PAN3: variants seen among roughly 807,000 people sequenced by gnomAD.
PAN3 encodes poly(A) specific ribonuclease subunit PAN3.
PAN3 carries 19 observed loss-of-function variants against 96.2 expected under a neutral mutation model. The observed-to-expected ratio is 0.20, with a 90% CI of 0.14 to 0.29. PAN3 has a LOEUF of 0.29. PAN3 is among the 10% of genes least tolerant of loss of function. PAN3 has a pLI of 1.00. For synonymous variants in PAN3, 433 were observed against 406.6 expected (o/e 1.06, Z -0.78); for missense variants, 882 against 1,108.1 (o/e 0.80, Z 2.90).
At chr13:28,152,108 T>A (rs1364624772) in intron 1 of PAN3, among the ~76,000 whole-genome samples, 2 of 152,198 alleles carry the variant, frequency 1.3e-5, no homozygotes, top group African/African-American at 4.8e-5. Context: ...GGGTTCTACA[T>A]ATGTGCCAGT....
At chr13:28,163,390 G>A (rs1013365462) in intron 1 of PAN3, among the ~76,000 whole-genome samples, 8 of 151,910 alleles carry the variant, frequency 5.3e-5, no homozygotes, top group African/African-American at 1.9e-4. Context: ...GAATAATTGG[G>A]GAATACTTTC....
intron 6 of PAN3, among the ~76,000 whole-genome samples, chr13:28,224,103 CT>C (rs1881735152): frequency 6.6e-6 from 1 of 151,802 alleles, no homozygotes; most frequent in Non-Finnish European, 1.5e-5. Flanking sequence ...GATCTCCTGA[CT>C]TCGTGGTCTG....
chr13:28,257,524 C>T (rs190451113), intron 7 of PAN3, among the ~76,000 whole-genome samples: 5 of 151,058 alleles, frequency 3.3e-5, no homozygotes, highest in Non-Finnish European at 4.4e-5. Flanking sequence ...AAGTTTCATC[C>T]GTATTTACAC....
chr13:28,210,324 T>A (rs144025466), intron 5 of PAN3, among the ~76,000 whole-genome samples: 1 of 152,218 alleles, frequency 6.6e-6, no homozygotes, highest in African/African-American at 2.4e-5. Context: ...CTAATTGATC[T>A]TCATTTGCCG....
chr13:28,153,386 C>A (rs1871658543), intron 1 of PAN3, among the ~76,000 whole-genome samples: 1 of 151,960 alleles, frequency 6.6e-6, no homozygotes, highest in Non-Finnish European at 1.5e-5. Context: ...TAGGCACCCA[C>A]CACCATGCCT....
At chr13:28,272,689 C>T (rs1886732389) in intron 14 of PAN3, among the ~76,000 whole-genome samples, 1 of 152,018 alleles carries the variant, frequency 6.6e-6, no homozygotes, top group South Asian at 2.1e-4. Context: ...CCTGCCTCAG[C>T]CTCCCGAGTA....
intron 6 of PAN3, among the ~76,000 whole-genome samples, chr13:28,237,642 A>G (rs919205487): frequency 6.6e-6 from 1 of 152,220 alleles, no homozygotes; most frequent in Non-Finnish European, 1.5e-5. Context: ...TAACAAGGCT[A>G]TGTAGTATTT....
chr13:28,282,476 T>G (rs1419748500), intron 17 of PAN3, among the ~76,000 whole-genome samples: 2 of 152,230 alleles, frequency 1.3e-5, no homozygotes. Flanking sequence ...TAATAAACTT[T>G]TAGCTGTTTC....
chr13:28,144,521 G>A (rs889020399), intron 1 of PAN3, among the ~76,000 whole-genome samples: 1 of 151,570 alleles, frequency 6.6e-6, no homozygotes, highest in African/African-American at 2.4e-5. Context: ...GGCCGGTTTC[G>A]ATAAGTTTTA....
At chr13:28,211,301 T>C (rs926471513) in intron 5 of PAN3, among the ~76,000 whole-genome samples, 1 of 152,162 alleles carries the variant, frequency 6.6e-6, no homozygotes, top group Non-Finnish European at 1.5e-5. Context: ...CTCTTCTGCT[T>C]TTCCAGATAA....
intron 4 of PAN3, among the ~76,000 whole-genome samples, chr13:28,195,696 T>C (rs1877967505): frequency 6.6e-6 from 1 of 152,014 alleles, no homozygotes. Flanking sequence ...CCACCATGCT[T>C]GGCTAATTTT....
chr13:28,167,733 A>G (rs938613722), intron 1 of PAN3, among the ~76,000 whole-genome samples: 3 of 151,550 alleles, frequency 2.0e-5, no homozygotes, highest in Admixed American at 6.6e-5. Context: ...AGTCCCACCT[A>G]TTTGGGGGCC....
At chr13:28,170,062 C>T (rs1027235405) in intron 1 of PAN3, among the ~76,000 whole-genome samples, 6 of 151,610 alleles carry the variant, frequency 4.0e-5, no homozygotes, top group African/African-American at 7.3e-5. Context: ...AATAATAATA[C>T]AATAATAATA....
chr13:28,159,885 A>G (rs367865270), intron 1 of PAN3, among the ~76,000 whole-genome samples: 3 of 152,220 alleles, frequency 2.0e-5, no homozygotes, highest in East Asian at 3.9e-4. Flanking sequence ...TTACCCATGT[A>G]GCAAACCTGC....
intron 9 of PAN3, among the ~76,000 whole-genome samples, chr13:28,265,713 T>G (rs1328236885): frequency 7.0e-6 from 1 of 142,836 alleles, no homozygotes; most frequent in South Asian, 2.3e-4. Context: ...TGTTTTTGTT[T>G]ATAGGGTTTT....
At chr13:28,215,783 T>C (rs1466561194) in intron 5 of PAN3, 4 of 1,420,468 alleles carry the variant, frequency 2.8e-6, no homozygotes, top group Non-Finnish European at 3.9e-6. Flanking sequence ...GTTGTTTTGC[T>C]GTTGGTGATG....
At chr13:28,264,819 CG>C (rs1886026063) in intron 9 of PAN3, among the ~76,000 whole-genome samples, 2 of 152,034 alleles carry the variant, frequency 1.3e-5, no homozygotes, top group African/African-American at 4.8e-5. Context: ...ATCAGAAACT[CG>C]GGGAATGGGG....
At chr13:28,141,560 C>T (rs995209301) in intron 1 of PAN3, among the ~76,000 whole-genome samples, 2 of 149,492 alleles carry the variant, frequency 1.3e-5, no homozygotes, top group African/African-American at 5.0e-5. Context: ...CTCTGCCTCC[C>T]GGGTTCAAGA....
At chr13:28,159,853 C>T (rs889262154) in intron 1 of PAN3, among the ~76,000 whole-genome samples, 2 of 152,036 alleles carry the variant, frequency 1.3e-5, no homozygotes, top group African/African-American at 4.8e-5. Flanking sequence ...AATCTGTACA[C>T]CAAACCCCTG....
Sources: allele counts gnomAD v4.1 joint callset (sites outside exome capture counted in the v4.1 genomes callset), GRCh38; gene constraint gnomAD v4.1.1; transcripts MANE v1.5; gene names NCBI Gene and HGNC (gene_info 2026-07-23, HGNC 2026-07-21).